The following FSTL5 variants were observed in gnomAD, a reference collection of about 807,000 sequenced individuals.
FSTL5 encodes follistatin-related protein 5.
In FSTL5, 62 loss-of-function variants were observed where a neutral mutation model predicts 89.1. The ratio of observed to expected loss-of-function variants is 0.70; its 90% CI spans 0.57 to 0.86. FSTL5 has a LOEUF of 0.86. Among genes scored for constraint, FSTL5 ranks in the 40% least tolerant of loss-of-function variants. The pLI, the probability that FSTL5 is intolerant of heterozygous loss-of-function variation, is 0.00. For missense variants in FSTL5, 1,057 were observed against 1,001.6 expected, an observed-to-expected ratio of 1.06 and a Z score of -0.75; for synonymous variants, 383 against 346.2, an observed-to-expected ratio of 1.11 and a Z score of -1.18.
intron 4 of FSTL5, among the ~76,000 whole-genome samples, chr4:161,896,540 T>C (rs1241620238): frequency 2.6e-5 from 4 of 152,176 alleles, no homozygotes; most frequent in Non-Finnish European, 5.9e-5. Flanking sequence ...GTCTTCAGTT[T>C]TGTTTTTATA....
At position 161,464,451 on chromosome 4, in the gene FSTL5, C is replaced by T. The variant is rs745526558; in HGVS notation, c.1609-5132G>A. 2.0e-5 allele frequency among the ~76,000 whole-genome samples: 3 copies of T among 152,168 alleles called. No individual in the cohort carries two copies. The East Asian group carries it at 5.8e-4, about 29-fold the overall frequency. ...CAAACCCTCCTTCCCTGTGTGCATA[C>T]CTCTTCTCCTCAGCTTTCCCAAGCC... On this transcript the variant is annotated intron_variant, in intron 13 of 15. Coordinates refer to ENST00000306100, the MANE Select transcript of FSTL5 (RefSeq NM_020116.5).
rs1214269582 is a variant in FSTL5 at position 161,434,929 on chromosome 4, C to T, written c.1841+20075G>A. 4.6e-5 allele frequency among the ~76,000 whole-genome samples: 7 copies of T among 151,934 alleles called. No homozygotes were observed. The South Asian group carries it at 1.5e-3, about 32-fold the overall frequency. On this transcript the variant is annotated intron_variant, in intron 15 of 15. Transcript: ENST00000306100. Reference sequence around the variant, plus strand: ...TTCAAAAGACAGGCAATAACTAATGCTGATGAGTATGGGAAGAAAAGGGAA... The same window carrying T: ...TTCAAAAGACAGGCAATAACTAATGTTGATGAGTATGGGAAGAAAAGGGAA...
intron 15 of FSTL5, among the ~76,000 whole-genome samples, chr4:161,407,972 A>C (rs991786196): frequency 2.0e-5 from 3 of 152,170 alleles, no homozygotes; most frequent in Non-Finnish European, 2.9e-5. Flanking sequence ...TGTGGCTCAG[A>C]AGGGCCTCAC....
chr4:162,007,638 C>A (rs1173671334), intron 3 of FSTL5, among the ~76,000 whole-genome samples: 5 of 150,948 alleles, frequency 3.3e-5, no homozygotes, highest in Admixed American at 3.3e-4. Context: ...AAAAAAAAAG[C>A]ATAGTAGAAA....
intron 15 of FSTL5, among the ~76,000 whole-genome samples, chr4:161,395,269 T>A (rs754360907): frequency 1.3e-5 from 2 of 152,056 alleles, no homozygotes; most frequent in Non-Finnish European, 2.9e-5. Context: ...AAACCTACTG[T>A]TAAACTAGAA....
intron 2 of FSTL5, among the ~76,000 whole-genome samples, chr4:162,079,717 T>C (rs1730012695): frequency 6.6e-6 from 1 of 151,386 alleles, no homozygotes; most frequent in Non-Finnish European, 1.5e-5. Flanking sequence ...GAGAAGGATT[T>C]AGGAAGGCTC....
At position 161,575,543 on chromosome 4, in the gene FSTL5, C is replaced by T. The variant is rs191204046; in HGVS notation, c.1015+11912G>A. 7.5e-4 allele frequency among the ~76,000 whole-genome samples: 114 copies of T among 151,998 alleles called. 1 individual carries two copies. Among genetic ancestry groups the T allele is most frequent in the Admixed American group, 7.5e-3 (114 of 15,266 alleles). On this transcript the variant is annotated intron_variant, in intron 8 of 15. Transcript: ENST00000306100. ...ATCTTGGTTCACTGAAACCTCTGCC[C>T]CCTGGATTCAAATGAATCTCCTGCC...
At chr4:161,500,285 T>C (rs1232303812) in intron 11 of FSTL5, 151 bp from the exon 12 acceptor site, 15 of 557,032 alleles carry the variant, frequency 2.7e-5, no homozygotes, top group Non-Finnish European at 3.5e-5. Flanking sequence ...CCTTACTGTA[T>C]ACTCGCACCA....
chr4:161,756,927 G>A (rs1437804100), intron 6 of FSTL5, among the ~76,000 whole-genome samples: 1 of 152,166 alleles, frequency 6.6e-6, no homozygotes, highest in Non-Finnish European at 1.5e-5. Flanking sequence ...AAGCATGGCT[G>A]TAGAAGTTGC....
intron 2 of FSTL5, among the ~76,000 whole-genome samples, chr4:162,040,146 C>T (rs1737893590): frequency 6.6e-6 from 1 of 152,010 alleles, no homozygotes; most frequent in South Asian, 2.1e-4. Context: ...TATTACTTCC[C>T]AGACAAATGC....
At chr4:161,805,782 G>T (rs139015505) in intron 4 of FSTL5, among the ~76,000 whole-genome samples, 3 of 152,018 alleles carry the variant, frequency 2.0e-5, no homozygotes, top group African/African-American at 7.2e-5. Context: ...CTTTGGAGAC[G>T]ATTCCTACCA....
intron 8 of FSTL5, among the ~76,000 whole-genome samples, chr4:161,548,975 A>G (rs141654639): frequency 2.3e-4 from 35 of 151,982 alleles, no homozygotes; most frequent in African/African-American, 8.2e-4. Flanking sequence ...ATCTATTCAC[A>G]TTGAAAGCAA....
chr4:161,406,615 T>G (rs1476781084), intron 15 of FSTL5, among the ~76,000 whole-genome samples: 1 of 152,182 alleles, frequency 6.6e-6, no homozygotes, highest in Non-Finnish European at 1.5e-5. Context: ...AATAAGAGTA[T>G]TGAAGTCTCT....
At chr4:161,570,495 G>A (rs185379254) in intron 8 of FSTL5, among the ~76,000 whole-genome samples, 66 of 152,200 alleles carry the variant, frequency 4.3e-4, no homozygotes, top group Middle Eastern at 3.4e-3. Context: ...GAACATTTAC[G>A]GTTATTTAGG....
At chr4:161,574,866 T>A (rs1268357984) in intron 8 of FSTL5, among the ~76,000 whole-genome samples, 2 of 152,198 alleles carry the variant, frequency 1.3e-5, no homozygotes, top group Non-Finnish European at 2.9e-5. Flanking sequence ...TATGCAGTAA[T>A]GGGATCGCTG....
intron 13 of FSTL5, among the ~76,000 whole-genome samples, chr4:161,476,756 A>G (rs1160367738): frequency 6.6e-6 from 1 of 152,212 alleles, no homozygotes; most frequent in African/African-American, 2.4e-5. Flanking sequence ...GATGTCCTAG[A>G]AGTCACTTTT....
At chr4:161,962,756 C>T (rs928167363) in intron 3 of FSTL5, among the ~76,000 whole-genome samples, 1 of 151,798 alleles carries the variant, frequency 6.6e-6, no homozygotes, top group African/African-American at 2.4e-5. Context: ...TAACTTAGCT[C>T]TTAATACTCT....
chr4:161,579,905 G>A (rs1157475955), intron 8 of FSTL5, among the ~76,000 whole-genome samples: 1 of 151,864 alleles, frequency 6.6e-6, no homozygotes, highest in African/African-American at 2.4e-5. Context: ...AAAGAATCAG[G>A]GAAAAACTTG....
At chr4:161,746,563 A>G (rs1010804733) in intron 6 of FSTL5, among the ~76,000 whole-genome samples, 2 of 152,158 alleles carry the variant, frequency 1.3e-5, no homozygotes, top group African/African-American at 2.4e-5. Context: ...CAGGTTACCA[A>G]TGTGACATCA....
Sources: gnomAD v4.1 joint callset for allele counts (sites outside exome capture counted in the v4.1 genomes callset) on GRCh38, gnomAD v4.1.1 for gene constraint, MANE v1.5 for transcripts, NCBI Gene and HGNC (gene_info 2026-07-23, HGNC 2026-07-21) for gene names.